Variants in GIMAP7 observed in about 807,000 individuals in gnomAD.
The protein encoded by GIMAP7 is GTPase, IMAP family member 7.
For synonymous variants in GIMAP7, 137 were observed against 129.3 expected (o/e 1.06, Z -0.40); for missense variants, 323 against 359.7 (o/e 0.90, Z 0.83).
intron 1 of GIMAP7, among the ~76,000 whole-genome samples, chr7:150,517,580 C>T (rs1168349730): frequency 6.6e-6 from 1 of 150,716 alleles, no homozygotes; most frequent in Non-Finnish European, 1.5e-5. Flanking sequence ...GACTTCAAAA[C>T]AGTACACACA....
At chr7:150,517,425 T>C (rs931248219) in intron 1 of GIMAP7, among the ~76,000 whole-genome samples, 1 of 152,190 alleles carries the variant, frequency 6.6e-6, no homozygotes, top group Non-Finnish European at 1.5e-5. Context: ...GCTAAACTTG[T>C]ATGTTTACTG....
intron 1 of GIMAP7, among the ~76,000 whole-genome samples, chr7:150,516,185 A>G (rs1795135617): frequency 6.6e-6 from 1 of 152,246 alleles, no homozygotes; most frequent in Admixed American, 6.5e-5. Flanking sequence ...TAAACGAGAT[A>G]TACAAAACAT....
At chr7:150,518,527 C>T (rs1422357230) in intron 1 of GIMAP7, among the ~76,000 whole-genome samples, 1 of 151,882 alleles carries the variant, frequency 6.6e-6, no homozygotes, top group Admixed American at 6.6e-5. Flanking sequence ...TCATATCTTG[C>T]CCGATTTTCT....
chr7:150,520,513 G>C lies in GIMAP7; in HGVS notation c.539G>C (p.Ser180Thr). ...AAAACCAGTAAGGCAGAGAAGGAAA[G>C]TCAAGTGCAGGAGTTGGTGGAGCTG... is the stretch of plus-strand genomic sequence containing the variant. ...SKKTSKAEKE[S>T]QVQELVELIE... The change falls in exon 2 of 2, where the codon AGT becomes ACT. Residue 180 changes from serine (S) to threonine (T), a missense_variant. Physicochemically the swap from Ser to Thr is moderately conservative, Grantham distance 58. Coordinates refer to ENST00000313543, the MANE Select transcript of GIMAP7 (RefSeq NM_153236.4). The C allele has an allele frequency of 1.9e-6, 3 of 1,614,212 alleles. No individual in the cohort carries two copies. The highest frequency in any genetic ancestry group is 2.5e-6 in the Non-Finnish European group (3 of 1,180,046).
In GIMAP7 at chr7:150,520,889, T is replaced by A; in HGVS notation, c.*12T>A. 1 of 1,354,322 alleles carries A rather than the reference T, an allele frequency of 7.4e-7. No individual in the cohort carries two copies. The highest frequency in any genetic ancestry group is 1.5e-5 in the African/African-American group (1 of 67,180). 83.9% of individuals were successfully genotyped at this position (1,354,322 alleles called of 1,614,324 possible). The stretch of plus-strand genomic sequence containing the variant: ...TTTATTCTTCCTAATTTACTGTGAT[T>A]TGTTAATGGATGAATTGTATTTTGC... On this transcript the variant is annotated 3_prime_UTR_variant, in exon 2 of 2. Transcript: ENST00000313543.
chr7:150,519,610 A>G (rs1795166026), intron 1 of GIMAP7, among the ~76,000 whole-genome samples: 1 of 152,000 alleles, frequency 6.6e-6, no homozygotes, highest in African/African-American at 2.4e-5. Context: ...GCTTCATAGA[A>G]AAAAAAAGTA....
chr7:150,520,232 C>T lies in GIMAP7; in HGVS notation c.258C>T (p.Ile86=), dbSNP rs1385567812. 4 of 1,614,174 alleles carry T rather than the reference C, an allele frequency of 2.5e-6. No homozygotes were observed. Among genetic ancestry groups the T allele is most frequent in the South Asian group, 1.1e-5 (1 of 91,078 alleles). ...TTCKEISRCI[I]SSCPGPHAIV... ...GCAAGGAAATCAGCCGCTGCATCAT[C>T]TCCTCCTGCCCAGGGCCCCATGCTA... Residue 86 remains isoleucine, a synonymous_variant, in exon 2 of 2, where the codon ATC becomes ATT. Transcript: ENST00000313543.
At chr7:150,516,884 A>C (rs1466251307) in intron 1 of GIMAP7, among the ~76,000 whole-genome samples, 1 of 152,218 alleles carries the variant, frequency 6.6e-6, no homozygotes, top group Non-Finnish European at 1.5e-5. Context: ...AATACTTCAT[A>C]GATGCTATCC....
At chr7:150,519,494 G>A (rs1209502622) in intron 1 of GIMAP7, among the ~76,000 whole-genome samples, 1 of 151,886 alleles carries the variant, frequency 6.6e-6, no homozygotes, top group East Asian at 1.9e-4. Context: ...ATTTATTAGT[G>A]TCTAATAATT....
chr7:150,520,592 C>G lies in GIMAP7; in HGVS notation c.618C>G (p.Tyr206Ter). ...NEGAYFSDDI[Y>*]KDTEERLKQR... ...GGGCTTACTTTTCTGATGACATATA[C>G]AAGGACACAGAGGAAAGGCTGAAAC... is the stretch of plus-strand genomic sequence containing the variant. Residue 206 changes from tyrosine to a stop codon, truncating the protein, a stop_gained, in exon 2 of 2, where the codon TAC becomes TAG. Transcript: ENST00000313543. LOFTEE classifies it low-confidence loss of function (END_TRUNC). 1 of 1,614,028 alleles carries G rather than the reference C, an allele frequency of 6.2e-7. No homozygotes were observed. Among genetic ancestry groups the G allele is most frequent in the Non-Finnish European group, 8.5e-7 (1 of 1,180,010 alleles).
chr7:150,520,741 A>G lies in GIMAP7; in HGVS notation c.767A>G (p.Lys256Arg). The G allele has an allele frequency of 6.7e-7, 1 of 1,500,928 alleles. No homozygotes were observed. The highest frequency in any genetic ancestry group is 2.3e-5 in the East Asian group (1 of 42,826). 93.0% of individuals were successfully genotyped at this position (1,500,928 alleles called of 1,614,324 possible). Residue 256 changes from lysine to arginine, a missense_variant, in exon 2 of 2, where the codon AAA becomes AGA. Lys to Arg is a conservative substitution (Grantham distance 26). Transcript: ENST00000313543. ...KEKEIKLLKL[K>R]YDEKIKNIRE... is the part of the protein sequence containing the mutation. ...AAAGAAATTAAATTACTAAAATTAA[A>G]ATATGATGAAAAAATAAAAAATATA...
chr7:150,516,057 A>T (rs921161803), intron 1 of GIMAP7, among the ~76,000 whole-genome samples: 1 of 152,206 alleles, frequency 6.6e-6, no homozygotes, highest in African/African-American at 2.4e-5. Context: ...TCTCTGCCCA[A>T]TACCTCTTAG....
At chr7:150,518,538 A>G (rs1256193516) in intron 1 of GIMAP7, among the ~76,000 whole-genome samples, 2 of 151,942 alleles carry the variant, frequency 1.3e-5, no homozygotes, top group Non-Finnish European at 2.9e-5. Flanking sequence ...CCGATTTTCT[A>G]TCAAGTCATT....
At position 150,520,960 on chromosome 7, in the gene GIMAP7, T is replaced by TATC; in HGVS notation, c.*86_*88dup. On this transcript the variant is annotated 3_prime_UTR_variant, in exon 2 of 2. Transcript: ENST00000313543. Reference sequence around the variant, plus strand: ...CTCCTTCCCCTTAGCTTTATTAAGGTATCATTGATAAATAAAAATAAAATA... The same window carrying TATC: ...CTCCTTCCCCTTAGCTTTATTAAGGTATCATCATTGATAAATAAAAATAAAATA... 1.8e-6 allele frequency: 1 copy of TATC among 555,688 alleles called. No individual in the cohort carries two copies. Among genetic ancestry groups the TATC allele is most frequent in the African/African-American group, 2.0e-5 (1 of 49,950 alleles). 34.4% of individuals were successfully genotyped at this position (555,688 alleles called of 1,614,324 possible).
At chr7:150,517,189 C>T (rs2116661921) in intron 1 of GIMAP7, among the ~76,000 whole-genome samples, 1 of 152,202 alleles carries the variant, frequency 6.6e-6, no homozygotes, top group South Asian at 2.1e-4. Flanking sequence ...TTAGCATACT[C>T]CAAAGGGAGC....
rs562860668 is a variant in GIMAP7, at chr7:150,518,074, T to G, written c.-41-1860T>G. Among the ~76,000 whole-genome samples the G allele has an allele frequency of 3.3e-5, 5 of 152,296 alleles. No individual in the cohort carries two copies. The South Asian group carries it at 1.0e-3, about 32-fold the overall frequency. Reference sequence around the variant, plus strand: ...CTCTTCATACTGGTATATAGATATATTTCTCATTCCTTTTTGCAGTTGGAT... The same window carrying G: ...CTCTTCATACTGGTATATAGATATAGTTCTCATTCCTTTTTGCAGTTGGAT... On this transcript the variant is annotated intron_variant, in intron 1 of 1. Transcript: ENST00000313543.
chr7:150,519,699 AT>A (rs1348796714), intron 1 of GIMAP7, among the ~76,000 whole-genome samples: 3 of 152,174 alleles, frequency 2.0e-5, no homozygotes, highest in Non-Finnish European at 4.4e-5. Flanking sequence ...GTTTAATAGA[AT>A]TCACCTGTGA....
chr7:150,518,618 G>A (rs981460402), intron 1 of GIMAP7, among the ~76,000 whole-genome samples: 3 of 149,226 alleles, frequency 2.0e-5, no homozygotes, highest in Admixed American at 6.8e-5. Flanking sequence ...GAGATAAATC[G>A]GAAAAAATGT....
intron 1 of GIMAP7, among the ~76,000 whole-genome samples, 162 bp from the exon 2 acceptor site, chr7:150,519,772 T>G (rs7783326): frequency 0.24 from 36,977 of 152,162 alleles, 4,646 homozygotes; most frequent in Admixed American, 0.3. Context: ...CTATTATTTC[T>G]TCCATATTAA....
Sources: allele counts gnomAD v4.1 joint callset (sites outside exome capture counted in the v4.1 genomes callset), GRCh38; gene constraint gnomAD v4.1.1; transcripts MANE v1.5; gene names NCBI Gene and HGNC (gene_info 2026-07-23, HGNC 2026-07-21).